The following SI variants were observed in gnomAD, a reference collection of about 807,000 sequenced individuals.
SI encodes the protein sucrase-isomaltase.
Under a neutral mutation model 253.3 loss-of-function variants are expected in SI, and 235 were observed. That is an observed-to-expected ratio of 0.93 (90% CI 0.83 to 1.03). The LOEUF (loss-of-function observed/expected upper bound fraction) is 1.03, where lower values mean the gene tolerates loss of function less well. Ranked by LOEUF, SI falls within the 50% of genes least tolerant of loss-of-function variation. SI has a pLI of 0.00. For synonymous variants in SI, 819 were observed against 712.0 expected, an observed-to-expected ratio of 1.15 and a Z score of -2.39; for missense variants, 2,442 against 2,211.1, an observed-to-expected ratio of 1.10 and a Z score of -2.09.
intron 35 of SI, among the ~76,000 whole-genome samples, chr3:165,008,516 T>C (rs1425522974): frequency 6.6e-6 from 1 of 151,986 alleles, no homozygotes; most frequent in Non-Finnish European, 1.5e-5. Context: ...CTGAAAAAGA[T>C]AATTTTCTCT....
chr3:165,025,333 G>T (rs1012899839), intron 25 of SI, among the ~76,000 whole-genome samples: 4 of 151,048 alleles, frequency 2.6e-5, no homozygotes, highest in African/African-American at 9.7e-5. Flanking sequence ...AACACAGCCT[G>T]CAAGAAGTCT....
At chr3:165,072,025 T>C (rs9831933) in intron 3 of SI, among the ~76,000 whole-genome samples, 88,710 of 151,954 alleles carry the variant, frequency 0.58, 26,275 homozygotes, top group East Asian at 0.81. Context: ...AGCAAACATG[T>C]CCTTTCTAAT....
At chr3:165,047,045 T>A in intron 15 of SI, 33 bp from the exon 16 acceptor site, 1 of 1,465,660 alleles carries the variant, frequency 6.8e-7, no homozygotes, top group Non-Finnish European at 9.4e-7. Flanking sequence ...AAATACAATT[T>A]ATTTTAAAAA....
At position 165,075,667 on chromosome 3, in the gene SI, G is replaced by A. The variant is rs138014231; in HGVS notation, c.118+228C>T. On this transcript the variant is annotated intron_variant, in intron 2 of 47. Coordinates refer to ENST00000264382, the MANE Select transcript of SI (RefSeq NM_001041.4). ...CTCTTTGCTCTTTGTCAAGTAGCTAGGGAAGGCAATTCATGTCAAAGCACA... is the reference window on the plus strand; with the variant it reads ...CTCTTTGCTCTTTGTCAAGTAGCTAAGGAAGGCAATTCATGTCAAAGCACA... Among the ~76,000 whole-genome samples the A allele has an allele frequency of 1.2e-3, 181 of 151,972 alleles. 1 individual carries two copies. Among genetic ancestry groups the A allele is most frequent in the Non-Finnish European group, 1.6e-3 (109 of 67,914 alleles).
chr3:165,011,786 AT>A, intron 34 of SI, among the ~76,000 whole-genome samples: 1 of 147,412 alleles, frequency 6.8e-6, no homozygotes, highest in Non-Finnish European at 1.5e-5. Flanking sequence ...TATTATTATT[AT>A]TTATTTATTA....
At chr3:164,999,902 T>C (rs1312284437) in intron 37 of SI, among the ~76,000 whole-genome samples, 1 of 151,668 alleles carries the variant, frequency 6.6e-6, no homozygotes, top group East Asian at 1.9e-4. Context: ...ATTGTCACTC[T>C]TTTAAAAAAC....
At chr3:165,004,703 C>T (rs1718420297) in intron 37 of SI, among the ~76,000 whole-genome samples, 1 of 152,212 alleles carries the variant, frequency 6.6e-6, no homozygotes, top group South Asian at 2.1e-4. Flanking sequence ...CAGAGAAAAA[C>T]TTCATATGTT....
chr3:165,023,579 C>A lies in SI; in HGVS notation c.3090G>T (p.Leu1030Phe). 1.9e-6 allele frequency: 3 copies of A among 1,609,534 alleles called. No homozygotes were observed. Among genetic ancestry groups the A allele is most frequent in the Non-Finnish European group, 2.5e-6 (3 of 1,176,914 alleles). Residue 1030 changes from leucine to phenylalanine, a missense_variant, in exon 26 of 48, where the codon TTG (leucine) becomes TTT (phenylalanine). Coordinates refer to ENST00000264382, the MANE Select transcript of SI (RefSeq NM_001041.4). ...VEVKYHKNDM[L>F]QFKIYDPQKK... is the part of the protein sequence containing the mutation. ...TTTATATCAAGCATACCTTAAACTG[C>A]AACATATCATTTTTGTGATATTTCA...
chr3:165,016,074 G>C lies in SI; in HGVS notation c.3766C>G (p.Gln1256Glu), dbSNP rs1286260158. Residue 1256 changes from glutamine (Q) to glutamate (E), a missense_variant, in exon 32 of 48, where the codon CAG becomes GAG. Gln to Glu is a conservative substitution (Grantham distance 29). Coordinates refer to ENST00000264382, the MANE Select transcript of SI (RefSeq NM_001041.4). The part of the protein sequence containing the change: ...MVAANIPYDV[Q>E]YTDIDYMERQ... ...TCCATGTAGTCAATGTCTGTGTACT[G>C]AACATCCTGAAATATCCAAAAATTA... The C allele has an allele frequency of 3.1e-6, 5 of 1,612,370 alleles. No homozygotes were observed. The highest frequency in any genetic ancestry group is 4.2e-6 in the Non-Finnish European group (5 of 1,178,968).
intron 36 of SI, among the ~76,000 whole-genome samples, chr3:165,007,332 T>G (rs1047214748): frequency 6.6e-6 from 1 of 152,066 alleles, no homozygotes; most frequent in Non-Finnish European, 1.5e-5. Context: ...AGTTTAAGAT[T>G]TTTTTCCAGA....
intron 34 of SI, among the ~76,000 whole-genome samples, chr3:165,009,757 G>A (rs1378784296): frequency 6.6e-6 from 1 of 152,088 alleles, no homozygotes; most frequent in Non-Finnish European, 1.5e-5. Context: ...AAACAGCAAA[G>A]GGCCATAGTA....
chr3:165,059,141 A>C, intron 11 of SI, 27 bp downstream of exon 11: 1 of 1,611,870 alleles, frequency 6.2e-7, no homozygotes, highest in Non-Finnish European at 8.5e-7. Flanking sequence ...AACACTAAAA[A>C]TGTATTAAGG....
rs374119940 is a variant in SI, at chr3:165,017,565, C to T, written c.3742G>A (p.Ala1248Thr). The change falls in exon 31 of 48, where the codon GCT becomes ACT. Residue 1248 changes from alanine (A) to threonine (T), a missense_variant. Physicochemically the swap from Ala to Thr is moderately conservative, Grantham distance 58. Coordinates refer to ENST00000264382, the MANE Select transcript of SI (RefSeq NM_001041.4). The part of the protein sequence containing the change: ...EVRELYDAMV[A>T]ANIPYDVQYT... ...ATACATACATAGGGGATGTTAGCAG[C>T]CACCATAGCGTCATATAATTCCCGA... The T allele has an allele frequency of 1.9e-5, 31 of 1,612,040 alleles. No homozygotes were observed. Among genetic ancestry groups the T allele is most frequent in the Non-Finnish European group, 2.6e-5 (31 of 1,178,632 alleles).
chr3:164,986,674 A>T (rs77294834), intron 45 of SI, among the ~76,000 whole-genome samples: 7,339 of 152,202 alleles, frequency 0.048, 600 homozygotes, highest in African/African-American at 0.17. Flanking sequence ...TGCTTTTCTC[A>T]TGTTAACGTG....
rs773391231 is a variant in SI, at chr3:165,033,406, A to C, written c.2554T>G (p.Ser852Ala). Residue 852 changes from serine to alanine, a missense_variant, in exon 23 of 48, where the codon TCA (serine) becomes GCA (alanine). By Grantham distance (99) the Ser-to-Ala change is moderately conservative (BLOSUM62 1). Coordinates refer to ENST00000264382, the MANE Select transcript of SI (RefSeq NM_001041.4). ...AAGAGAGTGCTTACATTAGAAACTG[A>C]AAATGTATATAATATGTAGTTGCCA... ...QNGNYILYTF[S>A]VSNNTLDIVC... The C allele has an allele frequency of 1.3e-6, 2 of 1,560,164 alleles. No individual in the cohort carries two copies. The highest frequency in any genetic ancestry group is 3.5e-5 in the Admixed American group (2 of 56,540).
At chr3:164,998,708 A>T (rs1718131142) in intron 37 of SI, 35 bp from the exon 38 acceptor site, 1 of 1,576,756 alleles carries the variant, frequency 6.3e-7, no homozygotes, top group African/African-American at 1.3e-5. Context: ...GAGTTTTTAC[A>T]TGAGATATTT....
At chr3:165,047,630 A>G (rs1357431827) in intron 15 of SI, among the ~76,000 whole-genome samples, 1 of 152,052 alleles carries the variant, frequency 6.6e-6, no homozygotes, top group African/African-American at 2.4e-5. Flanking sequence ...TCCTTTATCA[A>G]ATTACATAAA....
At chr3:165,030,673 G>C in intron 25 of SI, 39 bp downstream of exon 25, 1 of 1,588,070 alleles carries the variant, frequency 6.3e-7, no homozygotes, top group African/African-American at 1.4e-5. Flanking sequence ...ATGCTTATGT[G>C]ATAACCATAT....
intron 6 of SI, 40 bp downstream of exon 6, chr3:165,067,300 A>T: frequency 1.5e-6 from 2 of 1,353,806 alleles, no homozygotes; most frequent in Non-Finnish European, 2.1e-6. Flanking sequence ...ATTCTATAAT[A>T]ATAGAATAAA....
Sources: allele counts gnomAD v4.1 joint callset (sites outside exome capture counted in the v4.1 genomes callset), GRCh38; gene constraint gnomAD v4.1.1; transcripts MANE v1.5; gene names NCBI Gene and HGNC (gene_info 2026-07-23, HGNC 2026-07-21).